PPM1D: variants seen among roughly 807,000 people sequenced by gnomAD.
PPM1D encodes the protein protein phosphatase, Mg2+/Mn2+ dependent 1D, also known as protein phosphatase 1D.
PPM1D carries 52 observed loss-of-function variants against 58.3 expected under a neutral mutation model. The ratio of observed to expected loss-of-function variants is 0.89; its 90% CI spans 0.71 to 1.12. The LOEUF (loss-of-function observed/expected upper bound fraction) is 1.12. Ranked by LOEUF, PPM1D falls within the 50% of genes most tolerant of loss-of-function variation. The pLI is 0.00. For missense variants in PPM1D, 564 were observed against 777.2 expected (o/e 0.73, Z 3.26); for synonymous variants, 278 against 285.1 (o/e 0.98, Z 0.25).
intron 2 of PPM1D, among the ~76,000 whole-genome samples, chr17:60,627,903 A>G (rs1317894446): frequency 1.4e-5 from 2 of 142,086 alleles, no homozygotes; most frequent in African/African-American, 5.3e-5. Flanking sequence ...TTTTTTTTTG[A>G]GACTTGAGTT....
intron 1 of PPM1D, among the ~76,000 whole-genome samples, chr17:60,618,045 A>G (rs971552395): frequency 1.3e-5 from 2 of 152,150 alleles, no homozygotes; most frequent in African/African-American, 2.4e-5. Context: ...GTCATGCTCT[A>G]TGTGTTCTTT....
chr17:60,639,582 C>T (rs1170975541), intron 3 of PPM1D, among the ~76,000 whole-genome samples: 2 of 152,132 alleles, frequency 1.3e-5, no homozygotes, highest in African/African-American at 4.8e-5. Context: ...GGACTACAGG[C>T]GCACGCCACT....
At chr17:60,627,377 G>T (rs1466702397) in intron 2 of PPM1D, among the ~76,000 whole-genome samples, 1 of 151,914 alleles carries the variant, frequency 6.6e-6, no homozygotes, top group South Asian at 2.1e-4. Context: ...TTGAGAGCTG[G>T]GACTACAGGT....
At chr17:60,652,728 T>G (rs1204461370) in intron 4 of PPM1D, among the ~76,000 whole-genome samples, 2 of 152,092 alleles carry the variant, frequency 1.3e-5, no homozygotes, top group Admixed American at 6.5e-5. Context: ...GATACCTCAT[T>G]GTGGTTTTGA....
intron 4 of PPM1D, among the ~76,000 whole-genome samples, chr17:60,649,701 T>C (rs1336642562): frequency 6.6e-6 from 1 of 151,592 alleles, no homozygotes; most frequent in African/African-American, 2.4e-5. Flanking sequence ...AAAAAAAAAA[T>C]TGCCTCCATT....
chr17:60,611,187 AT>A (rs2030446555), intron 1 of PPM1D, among the ~76,000 whole-genome samples: 2 of 151,684 alleles, frequency 1.3e-5, no homozygotes, highest in South Asian at 4.2e-4. Flanking sequence ...ACCCCAGCTA[AT>A]TTTTCTATTT....
intron 1 of PPM1D, among the ~76,000 whole-genome samples, chr17:60,617,752 CT>C (rs921523506): frequency 2.0e-5 from 3 of 150,958 alleles, no homozygotes; most frequent in African/African-American, 7.3e-5. Flanking sequence ...CTTTTCTCTG[CT>C]TTTTTTTTAT....
chr17:60,628,590 G>A (rs892294093), intron 2 of PPM1D, among the ~76,000 whole-genome samples: 2 of 152,084 alleles, frequency 1.3e-5, no homozygotes, highest in African/African-American at 4.8e-5. Context: ...ATGTCATATA[G>A]TTGGAACCAT....
intron 3 of PPM1D, among the ~76,000 whole-genome samples, chr17:60,641,296 G>A (rs770891429): frequency 6.6e-6 from 1 of 152,062 alleles, no homozygotes; most frequent in Non-Finnish European, 1.5e-5. Context: ...ATTCTCACAG[G>A]GTATGAGATG....
In PPM1D at chr17:60,665,870, A is replaced by C. The variant is rs2031608550; in HGVS notation, c.*2318A>C. ...GTTCCCCTCCAGAGGGCCTCTCACA[A>C]CATGGCAGTTATTTGTCCCCAGAGC... On this transcript the variant is annotated 3_prime_UTR_variant, in exon 6 of 6. Coordinates refer to ENST00000305921, the MANE Select transcript of PPM1D (RefSeq NM_003620.4). The C allele has an allele frequency of 6.6e-6, 1 of 152,214 alleles. No individual in the cohort carries two copies. The highest frequency in any genetic ancestry group is 2.4e-5 in the African/African-American group (1 of 41,462). The allele number at this position is 152,214 out of a possible 1,614,324, so 9.4% of individuals were successfully genotyped here. A position where few individuals can be genotyped will look rare whatever the true frequency, so the allele number is the denominator to read the frequency against.
At chr17:60,634,071 C>A in intron 3 of PPM1D, 94 bp downstream of exon 3, 1 of 1,380,808 alleles carries the variant, frequency 7.2e-7, no homozygotes. Flanking sequence ...CCTTACTTGG[C>A]ATATAGTGAG....
intron 2 of PPM1D, among the ~76,000 whole-genome samples, 177 bp downstream of exon 2, chr17:60,623,926 A>G (rs1033084303): frequency 6.6e-6 from 1 of 152,170 alleles, no homozygotes; most frequent in Non-Finnish European, 1.5e-5. Context: ...TCTCATTACT[A>G]TGAATTGACT....
rs1033396897 is a variant in PPM1D, at chr17:60,609,977, C to G, written c.472+9091C>G. Among the ~76,000 whole-genome samples the G allele has an allele frequency of 2.6e-5, 4 of 152,132 alleles. No homozygotes were observed. The South Asian group carries it at 8.3e-4, about 32-fold the overall frequency. ...TGGGCGGATCATGAGGTCAGGAGAT[C>G]AAGACCATCCTGGCCAACATGGTGA... is the stretch of plus-strand genomic sequence containing the variant. On this transcript the variant is annotated intron_variant, in intron 1 of 5. Coordinates refer to ENST00000305921, the MANE Select transcript of PPM1D (RefSeq NM_003620.4).
At chr17:60,631,335 C>G (rs1362259310) in intron 2 of PPM1D, among the ~76,000 whole-genome samples, 1 of 149,594 alleles carries the variant, frequency 6.7e-6, no homozygotes, top group Non-Finnish European at 1.5e-5. Flanking sequence ...CAAATGAAAA[C>G]TAGTTCTCAA....
chr17:60,637,909 A>AG (rs2031056980), intron 3 of PPM1D, among the ~76,000 whole-genome samples: 1 of 152,254 alleles, frequency 6.6e-6, no homozygotes, highest in Admixed American at 6.5e-5. Flanking sequence ...AAGTGTTTCC[A>AG]GAAAGAAAGT....
chr17:60,657,605 G>A (rs886345923), intron 5 of PPM1D, among the ~76,000 whole-genome samples: 5 of 152,144 alleles, frequency 3.3e-5, no homozygotes, highest in Non-Finnish European at 7.4e-5. Context: ...AGTGTCAAAG[G>A]CCTTTAATTT....
At chr17:60,658,760 G>A (rs562069811) in intron 5 of PPM1D, among the ~76,000 whole-genome samples, 143 of 151,992 alleles carry the variant, frequency 9.4e-4, no homozygotes, top group African/African-American at 3.3e-3. Flanking sequence ...TCAGGAGATC[G>A]AGACTATCTT....
intron 3 of PPM1D, among the ~76,000 whole-genome samples, chr17:60,635,190 A>G (rs1046358014): frequency 2.0e-5 from 3 of 151,946 alleles, no homozygotes; most frequent in Non-Finnish European, 2.9e-5. Context: ...AAATACTGCA[A>G]TAAATATTTC....
Position 60,663,493 on chromosome 17 carries a change from C to A in PPM1D, c.1759C>A (p.Gln587Lys). The change falls in exon 6 of 6, where the codon CAG (glutamine) becomes AAG (lysine). Residue 587 changes from glutamine to lysine, a missense_variant. By Grantham distance (53) the Gln-to-Lys change is moderately conservative. Around this residue, in one of 7 missense-constraint regions of PPM1D, gnomAD observed 261 missense variants for 270.1 expected, o/e 0.97. Transcript: ENST00000305921. Reference protein sequence around the residue: ...KLTMRRRLRGQKKIGNPLLHQ... With the variant: ...KLTMRRRLRGKKKIGNPLLHQ... ...CACCATGCGACGCAGACTTAGGGGC[C>A]AGAAGAAAATTGGAAATCCTTTACT... The A allele has an allele frequency of 6.2e-7, 1 of 1,613,438 alleles. No homozygotes were observed. The highest frequency in any genetic ancestry group is 1.3e-5 in the African/African-American group (1 of 75,044).
Sources: gnomAD v4.1 joint callset for allele counts (sites outside exome capture counted in the v4.1 genomes callset) on GRCh38, gnomAD v4.1.1 for gene constraint, gnomAD v4.1.1 regional missense constraint, MANE v1.5 for transcripts, NCBI Gene and HGNC (gene_info 2026-07-23, HGNC 2026-07-21) for gene names.